OPCML: variants seen among roughly 807,000 people sequenced by gnomAD.
OPCML encodes opioid-binding protein/cell adhesion molecule.
A neutral mutation model predicts 37.8 loss-of-function variants in OPCML; 13 were observed. The observed-to-expected ratio is 0.34, with a 90% CI of 0.22 to 0.55. The LOEUF (loss-of-function observed/expected upper bound fraction) is 0.55, where lower values mean the gene tolerates loss of function less well. OPCML is among the 20% of genes least tolerant of loss of function. OPCML has a pLI of 0.91. For missense variants in OPCML, 341 were observed against 435.6 expected (o/e 0.78, Z 1.93); for synonymous variants, 176 against 168.8 (o/e 1.04, Z -0.33).
chr11:132,794,996 A>G (rs919569739), intron 2 of OPCML, among the ~76,000 whole-genome samples: 8 of 152,104 alleles, frequency 5.3e-5, no homozygotes, highest in African/African-American at 1.7e-4. Context: ...GAAAAATAAT[A>G]AAAACGTGAG....
At position 133,509,156 on chromosome 11, in the gene OPCML, A is replaced by G. The variant is rs1442534628; in HGVS notation, c.61+23108T>C. Among the ~76,000 whole-genome samples the G allele has an allele frequency of 6.6e-5, 10 of 152,194 alleles. No individual in the cohort carries two copies. The South Asian group carries it at 1.7e-3, about 25-fold the overall frequency. On this transcript the variant is annotated intron_variant, in intron 1 of 7. Coordinates refer to ENST00000524381, the MANE Select transcript of OPCML (RefSeq NM_001012393.5). ...TGTATCATGGTGGTTTGCTGCACCT[A>G]TCAATCCATCACCTAGGTATTAAGG...
At position 132,953,013 on chromosome 11, in the gene OPCML, A is replaced by C. The variant is rs543072453; in HGVS notation, c.62-10003T>G. Among the ~76,000 whole-genome samples, 354 of 152,338 alleles carry C rather than the reference A, an allele frequency of 2.3e-3. 1 individual carries two copies. The highest frequency in any genetic ancestry group is 7.9e-3 in the African/African-American group (329 of 41,582). ...GGCATGTAAGATTTACACTGTAAAA[A>C]GTTATCTATGAGGTTCCCCAAGGCT... is the stretch of plus-strand genomic sequence containing the variant. On this transcript the variant is annotated intron_variant, in intron 1 of 7. Transcript: ENST00000524381.
At chr11:132,510,230 C>A (rs962690042) in intron 4 of OPCML, among the ~76,000 whole-genome samples, 5 of 152,108 alleles carry the variant, frequency 3.3e-5, no homozygotes, top group African/African-American at 1.2e-4. Flanking sequence ...GTATCTGTAC[C>A]CCCATCGTAT....
chr11:132,719,772 T>A (rs966991318), intron 2 of OPCML, among the ~76,000 whole-genome samples: 47 of 152,310 alleles, frequency 3.1e-4, no homozygotes, highest in African/African-American at 1.1e-3. Flanking sequence ...CTTCTATGAG[T>A]TGCCCCTCAA....
intron 1 of OPCML, among the ~76,000 whole-genome samples, chr11:133,265,525 G>T (rs1321377203): frequency 6.6e-6 from 1 of 152,216 alleles, no homozygotes; most frequent in Non-Finnish European, 1.5e-5. Context: ...TCTAGGGAAA[G>T]AAACTTACCA....
chr11:132,878,143 C>T (rs1012358665), intron 2 of OPCML, among the ~76,000 whole-genome samples: 1 of 151,340 alleles, frequency 6.6e-6, no homozygotes, highest in African/African-American at 2.4e-5. Context: ...GATCGCACTA[C>T]TGTACTCCAG....
chr11:133,041,500 A>C (rs1333708261), intron 1 of OPCML, among the ~76,000 whole-genome samples: 1 of 152,104 alleles, frequency 6.6e-6, no homozygotes, highest in African/African-American at 2.4e-5. Context: ...TTTCATCTAG[A>C]AGTAGATGAG....
chr11:132,611,738 G>T (rs922137600), intron 3 of OPCML, among the ~76,000 whole-genome samples: 3 of 152,156 alleles, frequency 2.0e-5, no homozygotes, highest in Non-Finnish European at 4.4e-5. Flanking sequence ...ATTATGAGAC[G>T]GAAACCAGGG....
chr11:132,687,369 CATATATATATATATATAT>C (rs56834972), intron 2 of OPCML, among the ~76,000 whole-genome samples: 3,376 of 49,130 alleles, frequency 0.069, 105 homozygotes, highest in Non-Finnish European at 0.12. Flanking sequence ...CCTTAAGCTA[CATATATATATATATATAT>C]ATATATATAT....
intron 3 of OPCML, among the ~76,000 whole-genome samples, chr11:132,652,525 G>A (rs1300421100): frequency 1.3e-5 from 2 of 152,162 alleles, no homozygotes; most frequent in East Asian, 1.9e-4. Flanking sequence ...ACCCAGCTCT[G>A]CTACTTACTC....
At chr11:132,951,422 C>T (rs1054154939) in intron 1 of OPCML, among the ~76,000 whole-genome samples, 23 of 152,180 alleles carry the variant, frequency 1.5e-4, no homozygotes. Flanking sequence ...TCTTAGAAGG[C>T]CACCAATTCT....
At chr11:133,321,730 T>G (rs1312842166) in intron 1 of OPCML, among the ~76,000 whole-genome samples, 1 of 152,182 alleles carries the variant, frequency 6.6e-6, no homozygotes, top group Non-Finnish European at 1.5e-5. Context: ...TGACCCTACT[T>G]TAGTTGAAAT....
intron 1 of OPCML, among the ~76,000 whole-genome samples, chr11:133,069,109 C>T (rs1390908895): frequency 1.3e-5 from 2 of 152,124 alleles, no homozygotes; most frequent in African/African-American, 4.8e-5. Context: ...GTAAAAAGAA[C>T]GCTTGAATTT....
chr11:132,452,146 CA>C (rs1199521475), intron 4 of OPCML, among the ~76,000 whole-genome samples: 2 of 152,188 alleles, frequency 1.3e-5, no homozygotes, highest in Non-Finnish European at 2.9e-5. Context: ...GCAGGCCCTG[CA>C]AATCCTCAAT....
chr11:133,125,719 GTATATAGTATATATAGTATA>G (rs1555099065), intron 1 of OPCML, among the ~76,000 whole-genome samples: 52 of 34,350 alleles, frequency 1.5e-3, no homozygotes, highest in African/African-American at 4.6e-3. Context: ...GTATATATAT[GTATATAGTATATATAGTATA>G]TATATAGTAT....
chr11:132,679,643 A>C (rs1591715681), intron 2 of OPCML, among the ~76,000 whole-genome samples: 1 of 152,334 alleles, frequency 6.6e-6, no homozygotes, highest in South Asian at 2.1e-4. Flanking sequence ...ATTAACCTGG[A>C]GGATGATGGA....
At chr11:133,017,102 CTCT>C (rs1290401256) in intron 1 of OPCML, among the ~76,000 whole-genome samples, 1 of 152,122 alleles carries the variant, frequency 6.6e-6, no homozygotes, top group Admixed American at 6.5e-5. Context: ...GGTAAGGGCT[CTCT>C]TCTTGGCTTA....
At chr11:133,332,912 T>C (rs1943653135) in intron 1 of OPCML, among the ~76,000 whole-genome samples, 1 of 152,144 alleles carries the variant, frequency 6.6e-6, no homozygotes. Context: ...CAAACGATAC[T>C]ACAAGACTAC....
intron 1 of OPCML, among the ~76,000 whole-genome samples, chr11:133,512,325 C>T (rs1371452454): frequency 6.6e-6 from 1 of 152,194 alleles, no homozygotes; most frequent in Non-Finnish European, 1.5e-5. Flanking sequence ...TACATTTTAC[C>T]CACTTGTTAT....
Sources: allele counts gnomAD v4.1 joint callset (sites outside exome capture counted in the v4.1 genomes callset), GRCh38; gene constraint gnomAD v4.1.1; transcripts MANE v1.5; gene names NCBI Gene and HGNC (gene_info 2026-07-23, HGNC 2026-07-21).